Variants in AP3B2 observed in about 807,000 individuals in gnomAD.
AP3B2 encodes the protein adaptor related protein complex 3 subunit beta 2, also known as AP-3 complex subunit beta-2.
Under a neutral mutation model 126.9 loss-of-function variants are expected in AP3B2, and 50 were observed. The ratio of observed to expected loss-of-function variants is 0.39; its 90% confidence interval spans 0.31 to 0.50. AP3B2 has a LOEUF of 0.50. Among genes scored for constraint, AP3B2 ranks in the 20% least tolerant of loss-of-function variants. AP3B2 has a pLI of 0.79. For missense variants in AP3B2, 1,177 were observed against 1,426.4 expected, an observed-to-expected ratio of 0.83 and a Z score of 2.82; for synonymous variants, 541 against 565.0, an observed-to-expected ratio of 0.96 and a Z score of 0.60.
In AP3B2 at chr15:82,665,708, C is replaced by T; in HGVS notation, c.1853-133G>A. The stretch of plus-strand genomic sequence containing the variant: ...GGTAGGGGAAGGAGATGGATGTGTG[C>T]CCTAATGGCTCTTCCACCCTGACTG... On this transcript the variant is annotated intron_variant, in intron 15 of 26. Transcript: ENST00000535359. The surrounding 1 kb of genome is among the most constrained non-coding windows in gnomAD (Gnocchi z 4.4). 1.5e-6 allele frequency: 1 copy of T among 668,982 alleles called. No homozygotes were observed. The highest frequency in any genetic ancestry group is 2.7e-5 in the East Asian group (1 of 37,672). The allele number at this position is 668,982 out of a possible 1,614,324, so 41.4% of individuals were successfully genotyped here.
At chr15:82,707,111 A>G (rs926188481) in intron 1 of AP3B2, among the ~76,000 whole-genome samples, 1 of 152,124 alleles carries the variant, frequency 6.6e-6, no homozygotes, top group African/African-American at 2.4e-5. Context: ...CCGCCTCTAT[A>G]TAGTCCAATA....
chr15:82,667,903 G>A (rs536481719), intron 14 of AP3B2, among the ~76,000 whole-genome samples: 37 of 152,232 alleles, frequency 2.4e-4, no homozygotes, highest in African/African-American at 8.7e-4. Context: ...CCCTGGCCCA[G>A]GTCTCCATGT....
At chr15:82,701,991 T>C (rs1370301999) in intron 1 of AP3B2, among the ~76,000 whole-genome samples, 1 of 152,214 alleles carries the variant, frequency 6.6e-6, no homozygotes, top group Admixed American at 6.5e-5. Context: ...TACATTGTTT[T>C]CTTTCAGCCT....
At position 82,661,876 on chromosome 15, in the gene AP3B2, C is replaced by T; in HGVS notation, c.2965G>A (p.Glu989Lys). 6.2e-7 allele frequency: 1 copy of T among 1,613,880 alleles called. No homozygotes were observed. Among genetic ancestry groups the T allele is most frequent in the Non-Finnish European group, 8.5e-7 (1 of 1,179,862 alleles). The part of the protein sequence containing the change: ...FYVSIQPPVG[E>K]LMAPVFMSEN... ...CTCATGAACACAGGGGCCATCAGCTCCCCAACAGGTGGCTGAATGGAGACG... is the reference window on the plus strand; with the variant it reads ...CTCATGAACACAGGGGCCATCAGCTTCCCAACAGGTGGCTGAATGGAGACG... The change falls in exon 25 of 27, where the codon GAG becomes AAG. Residue 989 changes from glutamate to lysine, a missense_variant. Glu to Lys is a moderately conservative substitution (Grantham distance 56). Around this residue, in one of 5 missense-constraint regions of AP3B2, gnomAD observed 587 missense variants for 571.3 expected, o/e 1.03. Coordinates refer to ENST00000535359, the MANE Select transcript of AP3B2 (RefSeq NM_001278512.2).
In AP3B2 at chr15:82,679,867, C is replaced by A; in HGVS notation, c.1111-67G>T. On this transcript the variant is annotated intron_variant, in intron 9 of 26. Transcript: ENST00000535359. ...AGGCCTGCCTCGCTGCCCAGAGACA[C>A]CCCTCCTATCCTGACCCAGCGCCCA... is the stretch of plus-strand genomic sequence containing the variant. The A allele has an allele frequency of 4.2e-6, 6 of 1,419,362 alleles. No homozygotes were observed. In the South Asian group the frequency reaches 4.7e-5, roughly 11 times the overall value. 87.9% of individuals were successfully genotyped at this position (1,419,362 alleles called of 1,614,324 possible).
chr15:82,692,292 TC>T, intron 1 of AP3B2: 1 of 690,284 alleles, frequency 1.4e-6, no homozygotes, highest in Middle Eastern at 2.9e-4. Flanking sequence ...GAAAAGGTCT[TC>T]CACGTCCTTC....
chr15:82,664,330 T>A lies in AP3B2; in HGVS notation c.2261+37A>T, dbSNP rs1449924754. On this transcript the variant is annotated intron_variant, in intron 19 of 26. Coordinates refer to ENST00000535359, the MANE Select transcript of AP3B2 (RefSeq NM_001278512.2). This position sits in a 1 kb window ranked among gnomAD's most constrained non-coding sequence, Gnocchi z 4.5. ...TAGCCCTCTTTCCAGGAAAGCCCCC[T>A]GAACCCCACCAGCCATCTGGCTAGC... The A allele has an allele frequency of 6.2e-7, 1 of 1,612,896 alleles. No individual in the cohort carries two copies. The highest frequency in any genetic ancestry group is 8.5e-7 in the Non-Finnish European group (1 of 1,179,716).
Position 82,663,910 on chromosome 15 carries a change from G to C in AP3B2, c.2327C>G (p.Ala776Gly). The C allele has an allele frequency of 6.2e-7, 1 of 1,612,682 alleles. No individual in the cohort carries two copies. The highest frequency in any genetic ancestry group is 8.5e-7 in the Non-Finnish European group (1 of 1,179,844). The change falls in exon 20 of 27, where the codon GCG (alanine) becomes GGG (glycine). Residue 776 changes from alanine (A) to glycine (G), a missense_variant. Ala to Gly is a moderately conservative substitution (Grantham distance 60, BLOSUM62 0). This residue lies in a region of AP3B2 where 587 missense variants were observed against 571.3 expected (regional missense o/e 1.03). Transcript: ENST00000535359. ...ATCGCTGCCCTCATCAGAGGATGACGCTTCTCCTTTTCTCTCTGGCACCTT... is the reference window on the plus strand; with the variant it reads ...ATCGCTGCCCTCATCAGAGGATGACCCTTCTCCTTTTCTCTCTGGCACCTT... ...KKKVPERKGE[A>G]SSSDEGSDSS...
At chr15:82,683,971 TA>T (rs1394005457) in intron 4 of AP3B2, among the ~76,000 whole-genome samples, 2 of 152,194 alleles carry the variant, frequency 1.3e-5, no homozygotes, top group Non-Finnish European at 2.9e-5. Flanking sequence ...AAAAATTCAG[TA>T]AACCATAACT....
chr15:82,691,854 AG>A, intron 1 of AP3B2: 1 of 1,308,440 alleles, frequency 7.6e-7, no homozygotes. Context: ...ACTCAGATGT[AG>A]GAAGTTTCAC....
intron 1 of AP3B2, chr15:82,692,926 G>C (rs1272711969): frequency 6.6e-6 from 1 of 151,000 alleles, no homozygotes; most frequent in Admixed American, 6.6e-5. Flanking sequence ...AAATTTCAAA[G>C]GGAACATTTT....
chr15:82,665,079 G>A lies in AP3B2; in HGVS notation c.2029-136C>T. On this transcript the variant is annotated intron_variant, in intron 17 of 26. Coordinates refer to ENST00000535359, the MANE Select transcript of AP3B2 (RefSeq NM_001278512.2). The surrounding 1 kb of genome is among the most constrained non-coding windows in gnomAD (Gnocchi z 4.4). ...TCCCACAAAGGGAATAACAGAGGAGGAAGAAAGGGGCACTGTCCATGGAGG... is the reference window on the plus strand; with the variant it reads ...TCCCACAAAGGGAATAACAGAGGAGAAAGAAAGGGGCACTGTCCATGGAGG... 2 of 1,022,610 alleles carry A rather than the reference G, an allele frequency of 2.0e-6. No homozygotes were observed. The highest frequency in any genetic ancestry group is 2.1e-5 in the Admixed American group (1 of 47,912). 63.3% of individuals were successfully genotyped at this position (1,022,610 alleles called of 1,614,324 possible). A position where few individuals can be genotyped will look rare whatever the true frequency, so the allele number is the denominator to read the frequency against.
intron 4 of AP3B2, chr15:82,688,227 G>A (rs2151448137): frequency 1.7e-6 from 1 of 578,488 alleles, no homozygotes; most frequent in East Asian, 2.8e-5. Flanking sequence ...AGATGTCTTA[G>A]ACTAACCAGA....
rs1393212872 is a variant in AP3B2 at position 82,681,171 on chromosome 15, A to C, written c.529T>G (p.Ser177Ala). ...HAIPKLYSLD[S>A]DQKDQLIEVI... The stretch of plus-strand genomic sequence containing the variant: ...TCTATCAGCTGATCCTTCTGGTCAG[A>C]GTCCAAACTGAGGGAGAAATCGGTG... The change falls in exon 6 of 27, where the codon TCT (serine) becomes GCT (alanine). Residue 177 changes from serine (S) to alanine (A), a missense_variant. Around this residue, in one of 5 missense-constraint regions of AP3B2, gnomAD observed 130 missense variants for 262.0 expected, o/e 0.50. Coordinates refer to ENST00000535359, the MANE Select transcript of AP3B2 (RefSeq NM_001278512.2). The surrounding 1 kb of genome is among the most constrained non-coding windows in gnomAD (Gnocchi z 4.0). The C allele has an allele frequency of 6.2e-7, 1 of 1,611,664 alleles. No homozygotes were observed. Among genetic ancestry groups the C allele is most frequent in the East Asian group, 2.2e-5 (1 of 44,810 alleles).
At chr15:82,661,795 C>T (rs929501991) in intron 25 of AP3B2, 30 bp downstream of exon 25, 7 of 1,565,756 alleles carry the variant, frequency 4.5e-6, no homozygotes, top group Middle Eastern at 1.7e-4. Flanking sequence ...TCTATACTTC[C>T]CTCTCTGCCC....
chr15:82,661,975 C>T, intron 24 of AP3B2, 53 bp from the exon 25 acceptor site: 2 of 1,514,994 alleles, frequency 1.3e-6, no homozygotes, highest in Non-Finnish European at 1.8e-6. Context: ...TCTCTCCCCT[C>T]ACTTCCCACC....
chr15:82,699,314 C>T, intron 1 of AP3B2: 1 of 208,984 alleles, frequency 4.8e-6, no homozygotes, highest in Non-Finnish European at 9.4e-6. Context: ...TATCCTGTCC[C>T]CAAACCTCGT....
intron 15 of AP3B2, among the ~76,000 whole-genome samples, chr15:82,666,461 T>G (rs1271407386): frequency 1.3e-5 from 2 of 152,216 alleles, no homozygotes; most frequent in African/African-American, 4.8e-5. Context: ...AAGCCTAGTG[T>G]CTGCTCAGGG....
Position 82,659,619 on chromosome 15 carries a change from C to G in AP3B2, c.3247G>C (p.Glu1083Gln). 1 of 1,613,974 alleles carries G rather than the reference C, an allele frequency of 6.2e-7. No homozygotes were observed. Among genetic ancestry groups the G allele is most frequent in the Non-Finnish European group, 8.5e-7 (1 of 1,179,898 alleles). Residue 1083 changes from glutamate (E) to glutamine (Q), a missense_variant, in exon 27 of 27, where the codon GAG becomes CAG. Physicochemically the swap from Glu to Gln is conservative, Grantham distance 29. Coordinates refer to ENST00000535359, the MANE Select transcript of AP3B2 (RefSeq NM_001278512.2). ...AGCATGGTGCCAATCACCATTTTCT[C>G]GCTGTTGACAGTCAGCTGGGCAGCT... is the stretch of plus-strand genomic sequence containing the variant. Reference protein sequence around the residue: ...AGAAQLTVNSEKMVIGTMLVK... With the variant: ...AGAAQLTVNSQKMVIGTMLVK...
Sources: gnomAD v4.1 joint callset for allele counts (sites outside exome capture counted in the v4.1 genomes callset) on GRCh38, gnomAD v4.1.1 for gene constraint, gnomAD v4.1.1 regional missense constraint, Gnocchi (gnomAD v3.1) non-coding constraint, MANE v1.5 for transcripts, NCBI Gene and HGNC (gene_info 2026-07-23, HGNC 2026-07-21) for gene names.